TNR: variants seen among roughly 807,000 people sequenced by gnomAD.
TNR encodes the protein tenascin R.
A neutral mutation model predicts 150.4 loss-of-function variants in TNR; 45 were observed. That is an observed-to-expected ratio of 0.30 (90% CI 0.24 to 0.38). The LOEUF (loss-of-function observed/expected upper bound fraction) is 0.38, where lower values mean the gene tolerates loss of function less well. Ranked by LOEUF, TNR falls within the 10% of genes least tolerant of loss-of-function variation. The pLI is 1.00. For synonymous variants in TNR, 687 were observed against 678.4 expected, an observed-to-expected ratio of 1.01 and a Z score of -0.20; for missense variants, 1,544 against 1,759.1, an observed-to-expected ratio of 0.88 and a Z score of 2.19.
At chr1:175,326,516 C>G (rs999319991) in intron 21 of TNR, among the ~76,000 whole-genome samples, 1 of 152,144 alleles carries the variant, frequency 6.6e-6, no homozygotes, top group Non-Finnish European at 1.5e-5. Flanking sequence ...GATCTTCATT[C>G]CGTCTTCTTC....
chr1:175,742,050 C>T (rs966135378), intron 1 of TNR, among the ~76,000 whole-genome samples: 2 of 152,188 alleles, frequency 1.3e-5, no homozygotes, highest in East Asian at 3.9e-4. Context: ...ATCCTCAACA[C>T]CACTTGTTGA....
At chr1:175,459,820 C>T (rs778949291) in intron 2 of TNR, among the ~76,000 whole-genome samples, 58 of 152,046 alleles carry the variant, frequency 3.8e-4, no homozygotes, top group Admixed American at 2.4e-3. Flanking sequence ...GAGTAATGCC[C>T]GGAAAGATTC....
At chr1:175,710,545 A>C (rs1666981957) in intron 1 of TNR, among the ~76,000 whole-genome samples, 1 of 152,124 alleles carries the variant, frequency 6.6e-6, no homozygotes, top group South Asian at 2.1e-4. Context: ...GAGAGTGCAG[A>C]GTGCCAAGTG....
At chr1:175,455,393 GA>G (rs1284004454) in intron 2 of TNR, among the ~76,000 whole-genome samples, 3 of 152,188 alleles carry the variant, frequency 2.0e-5, no homozygotes, top group Admixed American at 6.5e-5. Flanking sequence ...AATGAAAAAC[GA>G]AAAACCTTAC....
At chr1:175,474,101 C>A (rs1657418365) in intron 2 of TNR, among the ~76,000 whole-genome samples, 1 of 152,126 alleles carries the variant, frequency 6.6e-6, no homozygotes, top group South Asian at 2.1e-4. Flanking sequence ...AATATGAGAT[C>A]TTCCCAGAGA....
chr1:175,430,333 C>T (rs1229096095), intron 2 of TNR, among the ~76,000 whole-genome samples: 1 of 152,112 alleles, frequency 6.6e-6, no homozygotes, highest in Non-Finnish European at 1.5e-5. Flanking sequence ...ACCTAGATGA[C>T]TCTTAAGAAT....
In TNR at chr1:175,739,615, A is replaced by G. The variant is rs79530293; in HGVS notation, c.-165+3611T>C. On this transcript the variant is annotated intron_variant, in intron 1 of 22. Transcript: ENST00000367674. ...AGAGTACTACCTCACCCAGCCCACA[A>G]CCCAGGGACGGAAGCAGGGTGAATG... Among the ~76,000 whole-genome samples the G allele has an allele frequency of 4.6e-4, 70 of 152,202 alleles. No individual in the cohort carries two copies. In the East Asian group the frequency reaches 5.8e-3, roughly 13 times the overall value.
At chr1:175,625,963 G>A (rs1664140679) in intron 1 of TNR, among the ~76,000 whole-genome samples, 1 of 135,856 alleles carries the variant, frequency 7.4e-6, no homozygotes, top group African/African-American at 3.1e-5. Context: ...TTGTGGGAGG[G>A]ACCCGGGGGG....
At chr1:175,335,663 CA>C (rs1199619494) in intron 20 of TNR, 47 bp downstream of exon 20, 4 of 1,562,540 alleles carry the variant, frequency 2.6e-6, no homozygotes, top group East Asian at 4.5e-5. Context: ...GAGAGATGGA[CA>C]AAAAGCCAGA....
intron 2 of TNR, among the ~76,000 whole-genome samples, chr1:175,415,065 A>T (rs1654376071): frequency 6.6e-6 from 1 of 151,148 alleles, no homozygotes; most frequent in Non-Finnish European, 1.5e-5. Flanking sequence ...AGCTTCTGCC[A>T]TTTGTGGTCC....
rs960031152 is a variant in TNR, at chr1:175,429,802, C to T, written c.-63-23025G>A. On this transcript the variant is annotated intron_variant, in intron 2 of 22. Coordinates refer to ENST00000367674, the MANE Select transcript of TNR (RefSeq NM_003285.3). ...ATGTTTTCTCTGGAAGAATTTGATC[C>T]TTGCCATTGTAGTCTCATCACCAAG... is the stretch of plus-strand genomic sequence containing the variant. Among the ~76,000 whole-genome samples, 6 of 152,192 alleles carry T rather than the reference C, an allele frequency of 3.9e-5. No homozygotes were observed. In the South Asian group the frequency reaches 1.2e-3, roughly 32 times the overall value.
chr1:175,381,803 C>G (rs1338040057), intron 8 of TNR, among the ~76,000 whole-genome samples: 1 of 152,216 alleles, frequency 6.6e-6, no homozygotes. Flanking sequence ...TTTACAAACT[C>G]CTAATTGTAG....
rs747196732 is a variant in TNR at position 175,599,909 on chromosome 1, A to G, written c.-164-71540T>C. Among the ~76,000 whole-genome samples the G allele has an allele frequency of 4.6e-5, 7 of 152,174 alleles. No individual in the cohort carries two copies. The highest frequency in any genetic ancestry group is 8.8e-5 in the Non-Finnish European group (6 of 68,022). On this transcript the variant is annotated intron_variant, in intron 1 of 22. Coordinates refer to ENST00000367674, the MANE Select transcript of TNR (RefSeq NM_003285.3). The surrounding 1 kb of genome is among the most constrained non-coding windows in gnomAD (Gnocchi z 4.7). ...CGGCGTGGGGATGCTGAGGCAGGCA[A>G]GAGACTGGGGCCGGTTCTACAGGAG...
At chr1:175,544,345 G>A (rs1396513505) in intron 1 of TNR, among the ~76,000 whole-genome samples, 1 of 152,210 alleles carries the variant, frequency 6.6e-6, no homozygotes, top group African/African-American at 2.4e-5. Context: ...GAGTAGGGAA[G>A]AGAGTAGAGA....
chr1:175,385,773 T>C (rs768000571), intron 8 of TNR, among the ~76,000 whole-genome samples: 63 of 152,102 alleles, frequency 4.1e-4, no homozygotes, highest in Non-Finnish European at 7.1e-4. Flanking sequence ...AGGCCCATAG[T>C]GGGGAAGGAT....
At chr1:175,354,366 C>T in intron 18 of TNR, 25 bp downstream of exon 18, 7 of 1,610,986 alleles carry the variant, frequency 4.3e-6, no homozygotes, top group Non-Finnish European at 5.9e-6. Flanking sequence ...GAGAAGAAGG[C>T]ATCAAAGTGG....
chr1:175,393,915 G>A lies in TNR; in HGVS notation c.1241-20C>T, dbSNP rs2102037024. ...AGAGATCTGGAACACAGCAATGTAGGTGACAATGTCATGGCTAACCCTTGG... is the reference window on the plus strand; with the variant it reads ...AGAGATCTGGAACACAGCAATGTAGATGACAATGTCATGGCTAACCCTTGG... On this transcript the variant is annotated intron_variant, in intron 5 of 22. Coordinates refer to ENST00000367674, the MANE Select transcript of TNR (RefSeq NM_003285.3). The A allele has an allele frequency of 6.4e-7, 1 of 1,574,496 alleles. No homozygotes were observed. Among genetic ancestry groups the A allele is most frequent in the East Asian group, 2.2e-5 (1 of 44,680 alleles).
At chr1:175,555,997 C>T (rs1029342574) in intron 1 of TNR, among the ~76,000 whole-genome samples, 4 of 152,216 alleles carry the variant, frequency 2.6e-5, no homozygotes, top group African/African-American at 4.8e-5. Flanking sequence ...CCTGCTCCAC[C>T]CCTGGATACT....
intron 1 of TNR, among the ~76,000 whole-genome samples, chr1:175,592,344 C>T (rs1379421800): frequency 1.3e-5 from 2 of 152,240 alleles, no homozygotes; most frequent in African/African-American, 2.4e-5. Context: ...GTTCCCTTCA[C>T]CAGTTCAAGT....
Sources: gnomAD v4.1 joint callset for allele counts (sites outside exome capture counted in the v4.1 genomes callset) on GRCh38, gnomAD v4.1.1 for gene constraint, Gnocchi (gnomAD v3.1) non-coding constraint, MANE v1.5 for transcripts, NCBI Gene and HGNC (gene_info 2026-07-23, HGNC 2026-07-21) for gene names.